Variants in SQSTM1 observed in about 807,000 individuals in gnomAD.
The protein encoded by SQSTM1 is sequestosome-1.
In SQSTM1, 36 loss-of-function variants were observed where a neutral mutation model predicts 45.1. That is an observed-to-expected ratio of 0.80 (90% CI 0.61 to 1.05). The LOEUF is 1.05. Ranked by LOEUF, SQSTM1 falls within the 50% of genes least tolerant of loss-of-function variation. The probability of loss-of-function intolerance (pLI) is 0.00; values close to 1 mark genes in which losing one functional copy is unlikely to be tolerated. For synonymous variants in SQSTM1, 290 were observed against 244.3 expected (o/e 1.19, Z -1.74); for missense variants, 617 against 607.1 (o/e 1.02, Z -0.17).
At chr5:179,832,747 G>A (rs1582020266) in intron 5 of SQSTM1, among the ~76,000 whole-genome samples, 3 of 152,334 alleles carry the variant, frequency 2.0e-5, no homozygotes, top group Middle Eastern at 3.4e-3. Flanking sequence ...CACCAAGAAT[G>A]TTTCCAGAAG....
At chr5:179,814,406 G>A (rs562301838), upstream of SQSTM1, among the ~76,000 whole-genome samples, 3 of 152,100 alleles carry the variant, frequency 2.0e-5, no homozygotes, top group South Asian at 4.1e-4. Flanking sequence ...TGCTTCCGTC[G>A]GTTAACAGCA....
In SQSTM1 at chr5:179,836,342, C is replaced by T. The variant is rs570117058; in HGVS notation, c.1166-94C>T. On this transcript the variant is annotated intron_variant, in intron 7 of 7. Transcript: ENST00000389805. ...TGGGCAGGCTCGGACACTGGCAGAC[C>T]CTGGTCCTGGCTGGCCAAGGCAGCA... The T allele has an allele frequency of 8.2e-4, 1,293 of 1,570,110 alleles. 24 individuals are homozygous for T. The South Asian group carries it at 0.014, about 16-fold the overall frequency.
At chr5:179,813,164 A>G (rs561166744) in intron 2 of SQSTM1, 1 of 152,250 alleles carries the variant, frequency 6.6e-6, no homozygotes, top group East Asian at 1.9e-4. Flanking sequence ...TGTTCTGTAT[A>G]TTCACCATGT....
At position 179,833,054 on chromosome 5, in the gene SQSTM1, G is replaced by A; in HGVS notation, c.777G>A (p.Val259=). Residue 259 remains valine, a synonymous_variant, in exon 6 of 8, where the codon GTG becomes GTA. Transcript: ENST00000389805. Reference sequence around the variant, plus strand: ...TAGGCATTGAAGTTGATATCGATGTGGAGCACGGAGGGAAAAGAAGCCGCC... The same window carrying A: ...TAGGCATTGAAGTTGATATCGATGTAGAGCACGGAGGGAAAAGAAGCCGCC... The part of the protein sequence containing the change: ...SPLGIEVDID[V]EHGGKRSRLT... The A allele has an allele frequency of 6.2e-7, 1 of 1,614,160 alleles. No homozygotes were observed. The highest frequency in any genetic ancestry group is 1.1e-5 in the South Asian group (1 of 91,082).
At position 179,837,703 on chromosome 5, in the gene SQSTM1, T is replaced by G; in HGVS notation, c.*1110T>G. 6.2e-7 allele frequency: 1 copy of G among 1,614,264 alleles called. No homozygotes were observed. The highest frequency in any genetic ancestry group is 8.5e-7 in the Non-Finnish European group (1 of 1,180,046). On this transcript the variant is annotated 3_prime_UTR_variant, in exon 8 of 8. Transcript: ENST00000389805. ...ACCTTGGCTGCTCACTGTCCACATG[T>G]GAACTTTTTCTAGGTGGCAGGACAA...
rs1331685476 is a variant in SQSTM1, at chr5:179,824,078, CCTGT to C, written c.526_529del (p.Ser176ArgfsTer12). 1.9e-6 allele frequency: 3 copies of C among 1,613,800 alleles called. No homozygotes were observed. Among genetic ancestry groups the C allele is most frequent in the African/African-American group, 1.3e-5 (1 of 74,950 alleles). ...TCGCATTCCCCAGCCCCTTCGGGCA[CCTGT>C]CTGAGGTGAGCAGGCCCTCTGTGCA... On this transcript the variant is annotated frameshift_variant, in exon 3 of 8. Coordinates refer to ENST00000389805, the MANE Select transcript of SQSTM1 (RefSeq NM_003900.5). LOFTEE classifies it high-confidence loss of function.
In SQSTM1 at chr5:179,820,951, C is replaced by T. The variant is rs756670021; in HGVS notation, c.15C>T (p.Thr5=). 7 of 1,563,950 alleles carry T rather than the reference C, an allele frequency of 4.5e-6. No individual in the cohort carries two copies. The highest frequency in any genetic ancestry group is 1.7e-4 in the Middle Eastern group (1 of 5,878). ...CGCCGCTCGCTATGGCGTCGCTCAC[C>T]GTGAAGGCCTACCTTCTGGGCAAGG... is the stretch of plus-strand genomic sequence containing the variant. MASL[T]VKAYLLGKED... is the part of the protein sequence containing the mutation. Residue 5 remains threonine, a synonymous_variant, in exon 1 of 8, where the codon ACC becomes ACT. Transcript: ENST00000389805.
intron 2 of SQSTM1, chr5:179,823,516 G>A (rs1757869662): frequency 5.7e-6 from 2 of 350,386 alleles, no homozygotes; most frequent in Non-Finnish European, 5.2e-6. Flanking sequence ...TGAGAAAGAG[G>A]AGTCCATGTT....
intron 4 of SQSTM1, 42 bp downstream of exon 4, chr5:179,824,365 G>A (rs1374488530): frequency 4.3e-6 from 7 of 1,613,012 alleles, no homozygotes; most frequent in Non-Finnish European, 5.9e-6. Flanking sequence ...GGTGACAGTA[G>A]TCAGGCAGCC....
chr5:179,828,819 C>CA (rs72227326), intron 5 of SQSTM1, among the ~76,000 whole-genome samples: 64,234 of 151,964 alleles, frequency 0.42, 15,015 homozygotes, highest in East Asian at 0.79. Context: ...AGGGCTTACA[C>CA]AAAAAAGAAA....
chr5:179,828,559 AGAC>A (rs1758094158), intron 5 of SQSTM1, among the ~76,000 whole-genome samples: 1 of 151,582 alleles, frequency 6.6e-6, no homozygotes, highest in African/African-American at 2.4e-5. Flanking sequence ...TTTTTAGTAG[AGAC>A]GAGGTTTCTC....
intron 7 of SQSTM1, among the ~76,000 whole-genome samples, chr5:179,834,411 G>A (rs248238): frequency 0.63 from 91,506 of 146,026 alleles, 28,530 homozygotes; most frequent in African/African-American, 0.78. Context: ...TCTTATTTTT[G>A]TTTATTTATT....
intron 1 of SQSTM1, among the ~76,000 whole-genome samples, chr5:179,811,090 G>T (rs1364591965): frequency 1.3e-5 from 2 of 151,970 alleles, no homozygotes; most frequent in Non-Finnish European, 2.9e-5. Flanking sequence ...AAAATTAGCC[G>T]GGAGTGGTGG....
intron 7 of SQSTM1, 98 bp from the exon 8 acceptor site, chr5:179,836,338 A>C: frequency 6.5e-7 from 1 of 1,546,748 alleles, no homozygotes; most frequent in Non-Finnish European, 8.9e-7. Context: ...GGACACTGGC[A>C]GACCCTGGTC....
At position 179,833,657 on chromosome 5, in the gene SQSTM1, A is replaced by C; in HGVS notation, c.1040A>C (p.Asp347Ala). ...DWTHLSSKEV[D>A]PSTGELQSLQ... ...ACCCATCTGTCTTCAAAAGAAGTGG[A>C]CCCGTCTACAGGTGAACTCCAGTCC... The change falls in exon 7 of 8, where the codon GAC (aspartate) becomes GCC (alanine). Residue 347 changes from aspartate (D) to alanine (A), a missense_variant. Coordinates refer to ENST00000389805, the MANE Select transcript of SQSTM1 (RefSeq NM_003900.5). 1 of 1,614,056 alleles carries C rather than the reference A, an allele frequency of 6.2e-7. No individual in the cohort carries two copies. Among genetic ancestry groups the C allele is most frequent in the Non-Finnish European group, 8.5e-7 (1 of 1,180,022 alleles).
Position 179,825,440 on chromosome 5 carries a change from G to A in SQSTM1, c.754+214G>A, listed in dbSNP as rs117361472. Among the ~76,000 whole-genome samples, 44 of 152,282 alleles carry A rather than the reference G, an allele frequency of 2.9e-4. No individual in the cohort carries two copies. In the East Asian group the frequency reaches 7.5e-3, roughly 26 times the overall value. Reference sequence around the variant, plus strand: ...CGAGCTTTCTACATGGAGTGAAGTCGAATCAGCTGGCATTTGGTTGGGATA... The same window carrying A: ...CGAGCTTTCTACATGGAGTGAAGTCAAATCAGCTGGCATTTGGTTGGGATA... On this transcript the variant is annotated intron_variant, in intron 5 of 7. Coordinates refer to ENST00000389805, the MANE Select transcript of SQSTM1 (RefSeq NM_003900.5).
intron 1 of SQSTM1, chr5:179,808,388 T>G (rs1243461980): frequency 6.6e-6 from 1 of 152,254 alleles, no homozygotes; most frequent in Non-Finnish European, 1.5e-5. Flanking sequence ...AGACTGGGAC[T>G]TATAGGAGCC....
Position 179,837,075 on chromosome 5 carries a change from T to G in SQSTM1, c.*482T>G. 1.3e-6 allele frequency: 1 copy of G among 775,476 alleles called. No individual in the cohort carries two copies. The allele number at this position is 775,476 out of a possible 1,614,324, so 48.0% of individuals were successfully genotyped here. A position where few individuals can be genotyped will look rare whatever the true frequency, so the allele number is the denominator to read the frequency against. On this transcript the variant is annotated 3_prime_UTR_variant, in exon 8 of 8. Coordinates refer to ENST00000389805, the MANE Select transcript of SQSTM1 (RefSeq NM_003900.5). The stretch of plus-strand genomic sequence containing the variant: ...AGTGTTGTGGGCTTCCTGCTGGGAC[T>G]GAGAAGGCTCACGAAGGGCATCCGC...
In SQSTM1 at chr5:179,823,998, T is replaced by G; in HGVS notation, c.442T>G (p.Tyr148Asp). Residue 148 changes from tyrosine (Y) to aspartate (D), a missense_variant, in exon 3 of 8, where the codon TAC becomes GAC. Transcript: ENST00000389805. Reference protein sequence around the residue: ...TRYKCSVCPDYDLCSVCEGKG... With the variant: ...TRYKCSVCPDDDLCSVCEGKG... ...CTACAAGTGCAGCGTCTGCCCAGAC[T>G]ACGACTTGTGTAGCGTCTGCGAGGG... 2 of 1,614,012 alleles carry G rather than the reference T, an allele frequency of 1.2e-6. No individual in the cohort carries two copies. The highest frequency in any genetic ancestry group is 1.7e-6 in the Non-Finnish European group (2 of 1,180,020).
Sources: gnomAD v4.1 joint callset for allele counts (sites outside exome capture counted in the v4.1 genomes callset) on GRCh38, gnomAD v4.1.1 for gene constraint, MANE v1.5 for transcripts, NCBI Gene and HGNC (gene_info 2026-07-23, HGNC 2026-07-21) for gene names.